The following RBL1 variants were observed in gnomAD, a reference collection of about 807,000 sequenced individuals.
RBL1 encodes retinoblastoma-like protein 1.
In RBL1, 82 loss-of-function variants were observed where a neutral mutation model predicts 123.0. That is an observed-to-expected ratio of 0.67 (90% CI 0.56 to 0.80). The LOEUF (loss-of-function observed/expected upper bound fraction) is 0.80. Ranked by LOEUF, RBL1 falls within the 30% of genes least tolerant of loss-of-function variation. The pLI is 0.00. For missense variants in RBL1, 1,171 were observed against 1,299.6 expected (o/e 0.90, Z 1.52); for synonymous variants, 405 against 441.3 (o/e 0.92, Z 1.03).
At chr20:37,069,001 G>A (rs1370798091) in intron 2 of RBL1, among the ~76,000 whole-genome samples, 2 of 152,254 alleles carry the variant, frequency 1.3e-5, no homozygotes, top group African/African-American at 4.8e-5. Context: ...GGCTCGGGCC[G>A]CCACGCCTGA....
At chr20:37,058,891 A>G (rs1489267779) in intron 9 of RBL1, among the ~76,000 whole-genome samples, 1 of 151,732 alleles carries the variant, frequency 6.6e-6, no homozygotes, top group Non-Finnish European at 1.5e-5. Context: ...GCATATCACC[A>G]TGACTAATTT....
At chr20:37,049,093 C>T (rs1303737818) in intron 11 of RBL1, among the ~76,000 whole-genome samples, 1 of 151,960 alleles carries the variant, frequency 6.6e-6, no homozygotes, top group Non-Finnish European at 1.5e-5. Context: ...GTCCCAGCTA[C>T]TCAAGAGGCT....
At chr20:37,045,052 T>C (rs1453311151) in intron 12 of RBL1, among the ~76,000 whole-genome samples, 2 of 151,710 alleles carry the variant, frequency 1.3e-5, no homozygotes, top group Non-Finnish European at 2.9e-5. Context: ...TAGATTATGA[T>C]GTATGACTTT....
At chr20:37,064,119 G>C (rs561899911) in intron 7 of RBL1, among the ~76,000 whole-genome samples, 1 of 150,670 alleles carries the variant, frequency 6.6e-6, no homozygotes, top group East Asian at 1.9e-4. Context: ...CACTGTGCCC[G>C]GCCTTAATTT....
chr20:37,018,624 A>G (rs1351937743), intron 18 of RBL1, among the ~76,000 whole-genome samples: 1 of 152,200 alleles, frequency 6.6e-6, no homozygotes, highest in Non-Finnish European at 1.5e-5. Flanking sequence ...CTAAAGACTG[A>G]TGATCAGGTT....
chr20:37,043,116 C>T (rs1239636640), intron 13 of RBL1, among the ~76,000 whole-genome samples: 3 of 151,358 alleles, frequency 2.0e-5, no homozygotes, highest in African/African-American at 7.3e-5. Flanking sequence ...TGAGATCAGC[C>T]TGTGCAACAT....
At chr20:37,036,673 T>G (rs1458400649) in intron 14 of RBL1, among the ~76,000 whole-genome samples, 1 of 148,742 alleles carries the variant, frequency 6.7e-6, no homozygotes, top group Non-Finnish European at 1.5e-5. Flanking sequence ...TTGCCCAGGC[T>G]GGAGTGCAGT....
chr20:37,080,750 C>T (rs377045726), intron 2 of RBL1, among the ~76,000 whole-genome samples: 4 of 152,126 alleles, frequency 2.6e-5, no homozygotes, highest in African/African-American at 4.8e-5. Flanking sequence ...TGAGCCACCA[C>T]GCCTGGCTCG....
Position 37,009,535 on chromosome 20 carries a change from C to T in RBL1, c.2723-1976G>A, listed in dbSNP as rs150442529. 5.7e-3 allele frequency among the ~76,000 whole-genome samples: 861 copies of T among 151,878 alleles called. 3 individuals are homozygous for T. Among genetic ancestry groups the T allele is most frequent in the Non-Finnish European group, 8.8e-3 (598 of 67,926 alleles). ...GCCACACCGAGCTAATTTTTTTTTACTTTTTGTAGAGACAGGGTCTCCCTA... is the reference window on the plus strand; with the variant it reads ...GCCACACCGAGCTAATTTTTTTTTATTTTTTGTAGAGACAGGGTCTCCCTA... On this transcript the variant is annotated intron_variant, in intron 19 of 21. Transcript: ENST00000373664.
intron 19 of RBL1, among the ~76,000 whole-genome samples, chr20:37,008,091 A>G (rs2064104603): frequency 6.6e-6 from 1 of 152,186 alleles, no homozygotes. Context: ...TCTAGATTCC[A>G]CTTCAGAATG....
chr20:37,052,200 T>C (rs1042514527), intron 11 of RBL1, among the ~76,000 whole-genome samples: 7 of 151,044 alleles, frequency 4.6e-5, no homozygotes, highest in African/African-American at 1.7e-4. Context: ...GCCTGGCCAA[T>C]TGTTGTATTT....
rs1194402903 is a variant in RBL1 at position 36,997,781 on chromosome 20, T to C, written c.*978A>G. 3.9e-5 allele frequency: 6 copies of C among 152,154 alleles called. No individual in the cohort carries two copies. Among genetic ancestry groups the C allele is most frequent in the Non-Finnish European group, 7.3e-5 (5 of 68,030 alleles). The allele number at this position is 152,154 out of a possible 1,614,324, so 9.4% of individuals were successfully genotyped here. On this transcript the variant is annotated 3_prime_UTR_variant, in exon 22 of 22. Coordinates refer to ENST00000373664, the MANE Select transcript of RBL1 (RefSeq NM_002895.5). ...AATGTCACAGAAACCAAAATGATAA[T>C]AGTTTACAAAAGAAGAAAGTGCCCC...
Position 37,003,844 on chromosome 20 carries a change from G to A in RBL1, c.2894C>T (p.Pro965Leu). The change falls in exon 21 of 22, where the codon CCT (proline) becomes CTT (leucine). Residue 965 changes from proline to leucine, a missense_variant. Coordinates refer to ENST00000373664, the MANE Select transcript of RBL1 (RefSeq NM_002895.5). ...TGGCTGTTGTTTAATATGTGGAAAA[G>A]GAGAGAGTGGTGGAGCATCCATCTA... ...DHMMDAPPLS[P>L]FPHIKQQPGS... The A allele has an allele frequency of 6.2e-7, 1 of 1,613,174 alleles. No homozygotes were observed. The highest frequency in any genetic ancestry group is 2.2e-5 in the East Asian group (1 of 44,860).
Position 37,068,199 on chromosome 20 carries a change from A to G in RBL1, c.291-13T>C, listed in dbSNP as rs560601658. The G allele has an allele frequency of 8.5e-6, 13 of 1,535,984 alleles. No homozygotes were observed. Among genetic ancestry groups the G allele is most frequent in the Middle Eastern group, 2.0e-4 (1 of 4,942 alleles). ...AAATTGTATTAAACTAAAAAAAAAA[A>G]GGAGGAGAAAAAAGGCACCTTTAAA... On this transcript the variant is annotated splice_polypyrimidine_tract_variant and intron_variant, in intron 2 of 21. Transcript: ENST00000373664.
At chr20:37,031,045 CA>C (rs575369804) in intron 16 of RBL1, among the ~76,000 whole-genome samples, 1 of 146,966 alleles carries the variant, frequency 6.8e-6, no homozygotes, top group Admixed American at 6.8e-5. Context: ...GACTCTGTCT[CA>C]AAAAAAAATA....
At chr20:37,038,598 CTTTT>C (rs1185859018) in intron 14 of RBL1, among the ~76,000 whole-genome samples, 12 of 118,618 alleles carry the variant, frequency 1.0e-4, no homozygotes, top group Non-Finnish European at 1.9e-4. Context: ...TGTGCCTGGC[CTTTT>C]TTTTTTTTTT....
At chr20:37,029,966 A>G (rs1379049265) in intron 16 of RBL1, among the ~76,000 whole-genome samples, 1 of 152,252 alleles carries the variant, frequency 6.6e-6, no homozygotes, top group African/African-American at 2.4e-5. Context: ...AAGACATCCT[A>G]TGATCATGGA....
At chr20:37,087,745 A>C (rs192077954) in intron 2 of RBL1, among the ~76,000 whole-genome samples, 2 of 152,348 alleles carry the variant, frequency 1.3e-5, no homozygotes, top group East Asian at 1.9e-4. Flanking sequence ...CCTGATCCTT[A>C]ATTAGAAATT....
chr20:37,012,599 T>A (rs1181027516), intron 19 of RBL1, among the ~76,000 whole-genome samples: 1 of 139,290 alleles, frequency 7.2e-6, no homozygotes, highest in African/African-American at 3.0e-5. Context: ...AGCCGCCCCG[T>A]CTGAGAAGTG....
Sources: gnomAD v4.1 joint callset for allele counts (sites outside exome capture counted in the v4.1 genomes callset) on GRCh38, gnomAD v4.1.1 for gene constraint, MANE v1.5 for transcripts, NCBI Gene and HGNC (gene_info 2026-07-23, HGNC 2026-07-21) for gene names.